STIM2: variants seen among roughly 807,000 people sequenced by gnomAD.
The protein encoded by STIM2 is stromal interaction molecule 2.
Under a neutral mutation model 85.8 loss-of-function variants are expected in STIM2, and 31 were observed. The observed-to-expected ratio is 0.36, with a 90% CI of 0.27 to 0.49. The LOEUF (loss-of-function observed/expected upper bound fraction) is 0.49. STIM2 is among the 20% of genes least tolerant of loss of function. STIM2 has a pLI of 0.98. For missense variants in STIM2, 841 were observed against 927.6 expected (o/e 0.91, Z 1.21); for synonymous variants, 356 against 331.1 (o/e 1.08, Z -0.82).
At position 27,017,803 on chromosome 4, in the gene STIM2, C is replaced by T. The variant is rs754578090; in HGVS notation, c.1582C>T (p.Arg528Ter). 3.7e-6 allele frequency: 6 copies of T among 1,614,000 alleles called. No individual in the cohort carries two copies. The highest frequency in any genetic ancestry group is 1.3e-5 in the African/African-American group (1 of 74,890). Residue 528 changes from arginine (R) to a stop codon, truncating the protein, a stop_gained, in exon 11 of 12, where the codon CGA becomes TGA. Coordinates refer to ENST00000467087, the MANE Select transcript of STIM2 (RefSeq NM_020860.4). LOFTEE classifies it high-confidence loss of function. The stretch of plus-strand genomic sequence containing the variant: ...TGTGCCGTCCTCGCCTCAGCCTCAG[C>T]GAGCTCAGCTTGCTCCACACGCCCC...
chr4:27,012,835 G>C (rs941336126), intron 10 of STIM2, among the ~76,000 whole-genome samples: 1 of 151,886 alleles, frequency 6.6e-6, no homozygotes, highest in Non-Finnish European at 1.5e-5. Flanking sequence ...TTCTATTTCT[G>C]TCTTGCTAAG....
intron 1 of STIM2, among the ~76,000 whole-genome samples, chr4:26,874,571 TCTC>T (rs1431803618): frequency 6.6e-6 from 1 of 152,200 alleles, no homozygotes; most frequent in African/African-American, 2.4e-5. Flanking sequence ...AAGTATGAAC[TCTC>T]CTCTTTTAAT....
intron 3 of STIM2, among the ~76,000 whole-genome samples, chr4:26,994,613 C>G (rs1292365824): frequency 6.6e-6 from 1 of 152,004 alleles, no homozygotes; most frequent in Non-Finnish European, 1.5e-5. Context: ...AAAGATTATT[C>G]CCCTTCTTTT....
intron 2 of STIM2, among the ~76,000 whole-genome samples, chr4:26,931,232 T>C (rs1725195013): frequency 6.6e-6 from 1 of 152,132 alleles, no homozygotes; most frequent in African/African-American, 2.4e-5. Context: ...CATAATCTTT[T>C]TGTGACTAAT....
At chr4:26,883,185 A>G (rs543938875) in intron 1 of STIM2, among the ~76,000 whole-genome samples, 1 of 148,624 alleles carries the variant, frequency 6.7e-6, no homozygotes, top group African/African-American at 2.4e-5. Flanking sequence ...TGATGATCAG[A>G]GAAGCCTGCC....
At chr4:26,934,142 C>T (rs986704111) in intron 2 of STIM2, among the ~76,000 whole-genome samples, 4 of 151,716 alleles carry the variant, frequency 2.6e-5, no homozygotes, top group Non-Finnish European at 5.9e-5. Flanking sequence ...TGCAGTGAGC[C>T]GAGATCGTGC....
intron 3 of STIM2, among the ~76,000 whole-genome samples, chr4:26,965,961 T>C (rs1206245578): frequency 6.6e-6 from 1 of 152,194 alleles, no homozygotes; most frequent in African/African-American, 2.4e-5. Context: ...TAACAGGTTT[T>C]CCAGTATATA....
intron 3 of STIM2, among the ~76,000 whole-genome samples, chr4:26,986,946 A>G (rs988895887): frequency 2.0e-5 from 3 of 152,252 alleles, no homozygotes; most frequent in African/African-American, 4.8e-5. Flanking sequence ...GGAACATAAG[A>G]TATAAGCAAA....
intron 10 of STIM2, among the ~76,000 whole-genome samples, chr4:27,012,456 T>C (rs1164613653): frequency 9.9e-5 from 1 of 10,114 alleles, no homozygotes; most frequent in Non-Finnish European, 7.9e-4. Flanking sequence ...TAAAAAAAGA[T>C]TAATTTTAGG....
chr4:27,022,733 A>G lies in STIM2; in HGVS notation c.1978A>G (p.Lys660Glu). ...CGACTGTGTAGGTCTGACAGAAACT[A>G]AGAGTATGATCTTCAGTCCTGCAAG... is the stretch of plus-strand genomic sequence containing the variant. Residue 660 changes from lysine (K) to glutamate (E), a missense_variant, in exon 12 of 12, where the codon AAG becomes GAG. Coordinates refer to ENST00000467087, the MANE Select transcript of STIM2 (RefSeq NM_020860.4). 6.2e-7 allele frequency: 1 copy of G among 1,613,844 alleles called. No homozygotes were observed. Among genetic ancestry groups the G allele is most frequent in the Non-Finnish European group, 8.5e-7 (1 of 1,179,932 alleles).
chr4:26,899,690 A>T (rs1577425204), intron 1 of STIM2, among the ~76,000 whole-genome samples: 1 of 152,104 alleles, frequency 6.6e-6, no homozygotes, highest in East Asian at 1.9e-4. Context: ...GTTTGAATTG[A>T]TCTGTTTTGT....
chr4:26,987,854 G>T (rs369859199), intron 3 of STIM2, among the ~76,000 whole-genome samples: 43 of 152,290 alleles, frequency 2.8e-4, no homozygotes, highest in African/African-American at 1.0e-3. Context: ...TGTCTGAAAG[G>T]TTTGTTTCTA....
At chr4:26,890,707 C>G (rs1723439353) in intron 1 of STIM2, among the ~76,000 whole-genome samples, 2 of 151,170 alleles carry the variant, frequency 1.3e-5, no homozygotes, top group Admixed American at 6.6e-5. Context: ...GCCTGTAGTC[C>G]CAGCTACTTG....
intron 1 of STIM2, among the ~76,000 whole-genome samples, chr4:26,883,165 C>A (rs912403879): frequency 5.3e-5 from 8 of 151,798 alleles, no homozygotes; most frequent in African/African-American, 1.9e-4. Flanking sequence ...GTCTTTTCTG[C>A]CATGGGGACT....
In STIM2 at chr4:26,864,058, G is replaced by T. The variant is rs573981095; in HGVS notation, c.151+2689G>T. Among the ~76,000 whole-genome samples, 10 of 152,046 alleles carry T rather than the reference G, an allele frequency of 6.6e-5. No individual in the cohort carries two copies. In the South Asian group the frequency reaches 2.1e-3, roughly 32 times the overall value. On this transcript the variant is annotated intron_variant, in intron 1 of 11. Coordinates refer to ENST00000467087, the MANE Select transcript of STIM2 (RefSeq NM_020860.4). ...CCTTTAAATTATCCTGTGTTTATTTGCTCAAATAAACTGTTATTGCTCAAA... is the reference window on the plus strand; with the variant it reads ...CCTTTAAATTATCCTGTGTTTATTTTCTCAAATAAACTGTTATTGCTCAAA...
chr4:26,867,209 T>C (rs1223113479), intron 1 of STIM2, among the ~76,000 whole-genome samples: 1 of 152,194 alleles, frequency 6.6e-6, no homozygotes, highest in Non-Finnish European at 1.5e-5. Context: ...AAATTACCTT[T>C]AGCATTAAGC....
chr4:26,910,509 G>A (rs1724296092), intron 1 of STIM2, among the ~76,000 whole-genome samples: 1 of 151,968 alleles, frequency 6.6e-6, no homozygotes, highest in Non-Finnish European at 1.5e-5. Flanking sequence ...GGGTGATGGA[G>A]TGAGACTGTC....
chr4:26,979,805 A>G (rs1319674127), intron 3 of STIM2, among the ~76,000 whole-genome samples: 2 of 152,230 alleles, frequency 1.3e-5, no homozygotes, highest in Non-Finnish European at 2.9e-5. Context: ...TTCACCTGCT[A>G]TGAGAAATGG....
intron 1 of STIM2, among the ~76,000 whole-genome samples, chr4:26,908,179 G>T (rs1194985315): frequency 6.6e-6 from 1 of 152,172 alleles, no homozygotes; most frequent in Non-Finnish European, 1.5e-5. Context: ...GGAAGTGATA[G>T]CTTTAATGAA....
Sources: gnomAD v4.1 joint callset for allele counts (sites outside exome capture counted in the v4.1 genomes callset) on GRCh38, gnomAD v4.1.1 for gene constraint, MANE v1.5 for transcripts, NCBI Gene and HGNC (gene_info 2026-07-23, HGNC 2026-07-21) for gene names.